RPS6KC1: variants seen among roughly 807,000 people sequenced by gnomAD.
The protein encoded by RPS6KC1 is ribosomal protein S6 kinase C1.
Under a neutral mutation model 103.8 loss-of-function variants are expected in RPS6KC1, and 54 were observed. The observed-to-expected ratio is 0.52, with a 90% CI of 0.42 to 0.65. RPS6KC1 has a LOEUF of 0.65. Ranked by LOEUF, RPS6KC1 falls within the 30% of genes least tolerant of loss-of-function variation. RPS6KC1 has a pLI of 0.00. For missense variants in RPS6KC1, 1,151 were observed against 1,253.8 expected (o/e 0.92, Z 1.24); for synonymous variants, 439 against 438.7 (o/e 1.00, Z -0.01).
intron 7 of RPS6KC1, among the ~76,000 whole-genome samples, chr1:213,174,048 C>A (rs2091678162): frequency 6.6e-6 from 1 of 152,168 alleles, no homozygotes; most frequent in African/African-American, 2.4e-5. Flanking sequence ...TTAAAGTATT[C>A]TTTTTTCCCT....
At chr1:213,344,131 T>C in the RPS6KC1 span, among the ~76,000 whole-genome samples, 1 of 151,524 alleles carries the variant, frequency 6.6e-6, no homozygotes, top group South Asian at 2.1e-4. Flanking sequence ...AAGAAAAAAA[T>C]TGAAGAAGGA....
the RPS6KC1 span, among the ~76,000 whole-genome samples, chr1:213,763,550 G>A: frequency 2.0e-5 from 3 of 152,174 alleles, no homozygotes; most frequent in Non-Finnish European, 4.4e-5. Flanking sequence ...CTTCCAGGAT[G>A]TGAAAAGCTG....
the RPS6KC1 span, among the ~76,000 whole-genome samples, chr1:213,772,064 G>T: frequency 2.6e-5 from 4 of 152,282 alleles, no homozygotes; most frequent in East Asian, 7.7e-4. Flanking sequence ...ATATTAGAGT[G>T]ACACTTCTAT....
the RPS6KC1 span, among the ~76,000 whole-genome samples, chr1:213,450,332 GA>G: frequency 4.2e-4 from 62 of 148,124 alleles, no homozygotes; most frequent in Non-Finnish European, 8.0e-4. Context: ...TGAGTTTGTA[GA>G]TTTTTTTTTT....
chr1:213,589,236 A>G, the RPS6KC1 span, among the ~76,000 whole-genome samples: 1 of 152,230 alleles, frequency 6.6e-6, no homozygotes, highest in African/African-American at 2.4e-5. Context: ...GTCTCCTTCT[A>G]TTAACTGCCA....
chr1:213,626,871 C>T, the RPS6KC1 span, among the ~76,000 whole-genome samples: 2 of 152,126 alleles, frequency 1.3e-5, no homozygotes, highest in African/African-American at 4.8e-5. Context: ...ATGCCTCCAG[C>T]TTTGTTCTTT....
the RPS6KC1 span, chr1:213,840,636 G>T: frequency 3.9e-5 from 6 of 152,070 alleles, no homozygotes; most frequent in Non-Finnish European, 5.9e-5. Flanking sequence ...GTATCTTCTT[G>T]ATCTTATTTC....
At chr1:213,153,215 C>T (rs1022506382) in intron 6 of RPS6KC1, among the ~76,000 whole-genome samples, 8 of 149,108 alleles carry the variant, frequency 5.4e-5, no homozygotes, top group Admixed American at 2.0e-4. Flanking sequence ...AGAGGGAGAC[C>T]GTGGAAAGAG....
chr1:213,227,796 C>T (rs920542762), intron 8 of RPS6KC1, among the ~76,000 whole-genome samples: 4 of 152,196 alleles, frequency 2.6e-5, no homozygotes, highest in Non-Finnish European at 5.9e-5. Context: ...ATTTCCCTTT[C>T]AGCCTTATCA....
the RPS6KC1 span, among the ~76,000 whole-genome samples, chr1:213,543,742 G>A: frequency 3.3e-5 from 5 of 152,136 alleles, no homozygotes; most frequent in South Asian, 2.1e-4. Flanking sequence ...CACTTTACTC[G>A]GCTAGAATTT....
the RPS6KC1 span, among the ~76,000 whole-genome samples, chr1:213,406,186 T>TG: frequency 6.6e-6 from 1 of 152,334 alleles, no homozygotes; most frequent in South Asian, 2.1e-4. Context: ...GGAGTGTATG[T>TG]GACCCACCTG....
the RPS6KC1 span, among the ~76,000 whole-genome samples, chr1:213,634,013 C>T: frequency 2.0e-5 from 3 of 147,800 alleles, no homozygotes; most frequent in African/African-American, 7.5e-5. Context: ...GGGATCAATT[C>T]AACAAGAAGA....
At chr1:213,840,399 C>T in the RPS6KC1 span, 12 of 152,262 alleles carry the variant, frequency 7.9e-5, no homozygotes, top group East Asian at 2.3e-3. Flanking sequence ...TTGCCCTACT[C>T]ATCTTTACTC....
At chr1:213,628,635 T>G in the RPS6KC1 span, among the ~76,000 whole-genome samples, 1 of 152,202 alleles carries the variant, frequency 6.6e-6, no homozygotes, top group East Asian at 1.9e-4. Flanking sequence ...CTTTTGAATG[T>G]GTTTGCTCTT....
the RPS6KC1 span, among the ~76,000 whole-genome samples, chr1:213,856,870 C>A: frequency 6.6e-6 from 1 of 152,204 alleles, no homozygotes; most frequent in Non-Finnish European, 1.5e-5. Context: ...TAGCACCAGT[C>A]ACTTAAGTTC....
At chr1:213,189,317 T>G (rs2092662050) in intron 8 of RPS6KC1, among the ~76,000 whole-genome samples, 1 of 151,978 alleles carries the variant, frequency 6.6e-6, no homozygotes, top group Non-Finnish European at 1.5e-5. Context: ...GGCGTGATGA[T>G]GGGTGCTTGT....
chr1:213,638,494 A>T, the RPS6KC1 span, among the ~76,000 whole-genome samples: 1 of 152,146 alleles, frequency 6.6e-6, no homozygotes, highest in Middle Eastern at 3.2e-3. Flanking sequence ...TTTTAAATTT[A>T]AATCTATGAT....
At chr1:213,714,459 A>G in the RPS6KC1 span, among the ~76,000 whole-genome samples, 1 of 152,134 alleles carries the variant, frequency 6.6e-6, no homozygotes, top group African/African-American at 2.4e-5. Context: ...TTGTTCGTTT[A>G]TACGTAGGAG....
the RPS6KC1 span, among the ~76,000 whole-genome samples, chr1:213,835,406 T>A: frequency 6.6e-6 from 1 of 152,066 alleles, no homozygotes; most frequent in African/African-American, 2.4e-5. Flanking sequence ...ATCATCTGCT[T>A]TATGTTTTAG....
Sources: gnomAD v4.1 joint callset for allele counts (sites outside exome capture counted in the v4.1 genomes callset) on GRCh38, gnomAD v4.1.1 for gene constraint, MANE v1.5 for transcripts, NCBI Gene and HGNC (gene_info 2026-07-23, HGNC 2026-07-21) for gene names.